MRTFA: variants seen among roughly 807,000 people sequenced by gnomAD.
The protein encoded by MRTFA is myocardin-related transcription factor A.
MRTFA carries 20 observed loss-of-function variants against 83.5 expected under a neutral mutation model. The ratio of observed to expected loss-of-function variants is 0.24; its 90% CI spans 0.17 to 0.35. The LOEUF (loss-of-function observed/expected upper bound fraction) is 0.35. Among genes scored for constraint, MRTFA ranks in the 10% least tolerant of loss-of-function variants. The pLI, the probability that MRTFA is intolerant of heterozygous loss-of-function variation, is 1.00. For synonymous variants in MRTFA, 659 were observed against 541.2 expected (o/e 1.22, Z -3.02); for missense variants, 1,200 against 1,224.7 (o/e 0.98, Z 0.30).
chr22:40,459,830 C>CATATATATATATATATATATATATAT (rs55885079), intron 4 of MRTFA, among the ~76,000 whole-genome samples: 7 of 86,942 alleles, frequency 8.1e-5, no homozygotes, highest in Admixed American at 1.3e-4. Flanking sequence ...CACATATATA[C>CATATATATATATATATATATATATAT]ATATATATAT....
chr22:40,535,912 T>C (rs1478501392), intron 3 of MRTFA, among the ~76,000 whole-genome samples: 2 of 152,036 alleles, frequency 1.3e-5, no homozygotes, highest in South Asian at 2.1e-4. Context: ...AAACATAACA[T>C]CTCAGTTGAT....
chr22:40,563,633 G>A (rs751779207), intron 2 of MRTFA, among the ~76,000 whole-genome samples: 2 of 152,046 alleles, frequency 1.3e-5, no homozygotes, highest in Admixed American at 6.6e-5. Flanking sequence ...GAAGCCAAGC[G>A]GGGAGGATCC....
At chr22:40,498,252 C>CATATATATATATATATATAT (rs200779719) in intron 3 of MRTFA, among the ~76,000 whole-genome samples, 4 of 77,534 alleles carry the variant, frequency 5.2e-5, no homozygotes, top group African/African-American at 2.3e-4. Flanking sequence ...GTACACACTT[C>CATATATATATATATATATAT]ATATATATAT....
chr22:40,507,467 TA>T (rs1569302741), intron 3 of MRTFA, among the ~76,000 whole-genome samples: 1 of 151,774 alleles, frequency 6.6e-6, no homozygotes, highest in African/African-American at 2.4e-5. Context: ...ATCCTGTCTC[TA>T]AAAAGAATAC....
chr22:40,455,661 AAAAC>A lies in MRTFA; in HGVS notation c.307+7556_307+7559del, dbSNP rs201511137. On this transcript the variant is annotated intron_variant, in intron 4 of 14. Coordinates refer to ENST00000355630, the MANE Select transcript of MRTFA (RefSeq NM_020831.6). ...ATGCAGTCTCAAAAAAAAAAAAAAA[AAAAC>A]ATATGGAGTGGAGGGTGAGGAGTGG... 1.8e-4 allele frequency among the ~76,000 whole-genome samples: 27 copies of A among 149,902 alleles called. 2 individuals carry two copies. The highest frequency in any genetic ancestry group is 6.0e-4 in the East Asian group (3 of 5,002).
chr22:40,412,506 G>C (rs2052580274), intron 14 of MRTFA: 1 of 152,210 alleles, frequency 6.6e-6, no homozygotes, highest in Non-Finnish European at 1.5e-5. Flanking sequence ...ATTGGAAGCA[G>C]GGTCTCAGGT....
At chr22:40,611,416 T>C (rs1325857381) in intron 1 of MRTFA, among the ~76,000 whole-genome samples, 1 of 151,696 alleles carries the variant, frequency 6.6e-6, no homozygotes, top group African/African-American at 2.4e-5. Flanking sequence ...TTTTTTTAAT[T>C]AAATTTTTTG....
In MRTFA at chr22:40,419,247, G is replaced by A. The variant is rs941006422; in HGVS notation, c.1491C>T (p.Thr497=). 1.9e-6 allele frequency: 3 copies of A among 1,611,792 alleles called. No individual in the cohort carries two copies. The highest frequency in any genetic ancestry group is 1.7e-4 in the Middle Eastern group (1 of 6,056). The change falls in exon 12 of 15, where the codon ACC becomes ACT. Residue 497 remains threonine, a synonymous_variant. Transcript: ENST00000355630. ...CCTCGCCAGCCTTGTGCAGGATAGA[G>A]GTGGCGGCAGGGGCCTTGGGGGCTC...
chr22:40,522,332 G>A (rs964648518), intron 3 of MRTFA: 12 of 152,312 alleles, frequency 7.9e-5, no homozygotes, highest in African/African-American at 2.4e-4. Context: ...CCCTCAGCTC[G>A]GAGGGCACAG....
chr22:40,605,008 A>T (rs934339521), intron 1 of MRTFA, among the ~76,000 whole-genome samples: 1 of 152,218 alleles, frequency 6.6e-6, no homozygotes, highest in Non-Finnish European at 1.5e-5. Context: ...TTAAATTCTG[A>T]AAAATTAAAC....
rs761289691 is a variant in MRTFA, at chr22:40,424,253, G to A, written c.730C>T (p.Arg244Ter). 1.2e-6 allele frequency: 2 copies of A among 1,607,034 alleles called. No individual in the cohort carries two copies. Among genetic ancestry groups the A allele is most frequent in the South Asian group, 1.1e-5 (1 of 90,110 alleles). Residue 244 changes from arginine (R) to a stop codon, truncating the protein, a stop_gained, in exon 8 of 15, where the codon CGA becomes TGA. Coordinates refer to ENST00000355630, the MANE Select transcript of MRTFA (RefSeq NM_020831.6). LOFTEE classifies it high-confidence loss of function. ...GCACTGAGCAGTGGTTCGCTGACTC[G>A]GGCCTCCAGGGGTGACGGCACAGAA... is the stretch of plus-strand genomic sequence containing the variant.
intron 2 of MRTFA, among the ~76,000 whole-genome samples, chr22:40,565,519 C>G (rs1320804187): frequency 6.6e-6 from 1 of 152,136 alleles, no homozygotes; most frequent in Admixed American, 6.6e-5. Context: ...TGCATTCCAG[C>G]CTGGGCAACA....
intron 3 of MRTFA, among the ~76,000 whole-genome samples, chr22:40,549,364 A>AT (rs2055411843): frequency 6.6e-6 from 1 of 152,230 alleles, no homozygotes; most frequent in Admixed American, 6.5e-5. Context: ...AATAAATTGC[A>AT]TTTTATTCAT....
intron 1 of MRTFA, among the ~76,000 whole-genome samples, chr22:40,595,678 T>C (rs2056181570): frequency 6.6e-6 from 1 of 152,008 alleles, no homozygotes; most frequent in African/African-American, 2.4e-5. Context: ...AGCCTCTTTG[T>C]GCAATCATTC....
intron 3 of MRTFA, among the ~76,000 whole-genome samples, chr22:40,474,178 A>G (rs2053956611): frequency 1.3e-5 from 2 of 152,200 alleles, no homozygotes; most frequent in South Asian, 4.1e-4. Flanking sequence ...GCTAGGTACT[A>G]GATACACCTA....
chr22:40,416,274 A>T lies in MRTFA; in HGVS notation c.2578+712T>A, dbSNP rs2052676861. On this transcript the variant is annotated intron_variant, in intron 14 of 14. Transcript: ENST00000355630. This position sits in a 1 kb window ranked among gnomAD's most constrained non-coding sequence, Gnocchi z 4.2. ...GCTCTCTCCAAATGGGGCTGATTCC[A>T]GCCGCTCCTCTGCCCGCCACTGCTG... Among the ~76,000 whole-genome samples, 1 of 152,032 alleles carries T rather than the reference A, an allele frequency of 6.6e-6. No individual in the cohort carries two copies. The highest frequency in any genetic ancestry group is 1.5e-5 in the Non-Finnish European group (1 of 67,970).
intron 3 of MRTFA, among the ~76,000 whole-genome samples, chr22:40,477,652 G>A (rs572071165): frequency 1.3e-5 from 2 of 152,158 alleles, no homozygotes; most frequent in African/African-American, 4.8e-5. Context: ...AGTAAAAACT[G>A]TAAGTAATCT....
intron 4 of MRTFA, among the ~76,000 whole-genome samples, chr22:40,452,826 A>T (rs1209657224): frequency 2.0e-5 from 3 of 151,338 alleles, no homozygotes; most frequent in African/African-American, 7.3e-5. Flanking sequence ...AAAAAAAAAA[A>T]TGATGACGAC....
At chr22:40,591,092 GC>G (rs2056114425) in intron 2 of MRTFA, among the ~76,000 whole-genome samples, 1 of 151,878 alleles carries the variant, frequency 6.6e-6, no homozygotes, top group Non-Finnish European at 1.5e-5. Flanking sequence ...CTGAGATCGC[GC>G]CACTGCACTC....
Sources: allele counts gnomAD v4.1 joint callset (sites outside exome capture counted in the v4.1 genomes callset), GRCh38; gene constraint gnomAD v4.1.1; non-coding constraint Gnocchi (gnomAD v3.1); transcripts MANE v1.5; gene names NCBI Gene and HGNC (gene_info 2026-07-23, HGNC 2026-07-21).